The following GJA5 variants were observed in gnomAD, a reference collection of about 807,000 sequenced individuals.
The protein encoded by GJA5 is gap junction protein alpha 5.
GJA5 carries 3 observed loss-of-function variants against 7.9 expected under a neutral mutation model. The ratio of observed to expected loss-of-function variants is 0.38; its 90% CI spans 0.17 to 0.99. The LOEUF (loss-of-function observed/expected upper bound fraction) is 0.99. Among genes scored for constraint, GJA5 ranks in the 50% least tolerant of loss-of-function variants. GJA5 has a pLI of 0.38. For synonymous variants in GJA5, 193 were observed against 181.0 expected, an observed-to-expected ratio of 1.07 and a Z score of -0.53; for missense variants, 390 against 457.9, an observed-to-expected ratio of 0.85 and a Z score of 1.35.
At chr1:147,760,659 G>A (rs896530783), upstream of GJA5, 1 of 152,208 alleles carries the variant, frequency 6.6e-6, no homozygotes, top group Non-Finnish European at 1.5e-5. Context: ...TGAAGGAGGG[G>A]CTGACAGGCA....
At chr1:147,769,797 T>A (rs1218258975) in intron 1 of GJA5, among the ~76,000 whole-genome samples, 1 of 151,798 alleles carries the variant, frequency 6.6e-6, no homozygotes, top group Non-Finnish European at 1.5e-5. Flanking sequence ...ATCAGGGAGG[T>A]GTAGGGCCCA....
intron 1 of GJA5, among the ~76,000 whole-genome samples, chr1:147,767,389 CTT>C (rs869258169): frequency 1.4e-5 from 2 of 143,484 alleles, no homozygotes. Context: ...GGGGACTATT[CTT>C]TTTTTTTTTT....
Position 147,758,915 on chromosome 1 carries a change from T to C in GJA5, c.324A>G (p.Leu108=), listed in dbSNP as rs782013554. ...HTVRMQEKRK[L]REAERAKEVR... ...CCTCTTTGGCCCTCTCGGCCTCCCGTAGCTTGCGCTTCTCCTGCATGCGCA... is the reference window on the plus strand; with the variant it reads ...CCTCTTTGGCCCTCTCGGCCTCCCGCAGCTTGCGCTTCTCCTGCATGCGCA... The change falls in exon 2 of 2, where the codon CTA becomes CTG. Residue 108 remains leucine, a synonymous_variant. Transcript: ENST00000579774. 3.1e-6 allele frequency: 5 copies of C among 1,614,116 alleles called. No individual in the cohort carries two copies. Among genetic ancestry groups the C allele is most frequent in the Middle Eastern group, 1.6e-4 (1 of 6,084 alleles).
At position 147,769,332 on chromosome 1, in the gene GJA5, C is replaced by T. The variant is rs17160627; in HGVS notation, c.-34+3920G>A. On this transcript the variant is annotated intron_variant, in intron 1 of 1. Coordinates refer to the GJA5 transcript ENST00000430508. Reference sequence around the variant, plus strand: ...AACAACAGAAACAGCAATTATTAGGCGGAGGAACTTCCGGTCTCTAAGGAC... The same window carrying T: ...AACAACAGAAACAGCAATTATTAGGTGGAGGAACTTCCGGTCTCTAAGGAC... 4.9e-3 allele frequency among the ~76,000 whole-genome samples: 746 copies of T among 152,276 alleles called. 2 individuals carry two copies. The highest frequency in any genetic ancestry group is 0.017 in the African/African-American group (712 of 41,550).
Position 147,758,456 on chromosome 1 carries a change from G to C in GJA5, c.783C>G (p.Cys261Trp). The stretch of plus-strand genomic sequence containing the variant: ...ACTGATTAAAGTCGGGGGGTGGTGT[G>C]CAGCTCTGGACTATGCCCACAGAGG... ...SGPSVGIVQS[C>W]TPPPDFNQCL... The change falls in exon 2 of 2, where the codon TGC becomes TGG. Residue 261 changes from cysteine to tryptophan, a missense_variant. Cys to Trp is a radical substitution (Grantham distance 215). This residue lies in a region of GJA5 where 354 missense variants were observed against 370.9 expected (regional missense o/e 0.95). Transcript: ENST00000579774. The C allele has an allele frequency of 6.2e-7, 1 of 1,614,192 alleles. No homozygotes were observed.
intron 1 of GJA5, chr1:147,773,199 C>T (rs1404507210): frequency 3.3e-5 from 5 of 152,214 alleles, no homozygotes; most frequent in African/African-American, 1.2e-4. Context: ...CTTCCTCTGG[C>T]TACTTCATAT....
At chr1:147,763,770 C>A (rs1272417215), upstream of GJA5, among the ~76,000 whole-genome samples, 1 of 152,032 alleles carries the variant, frequency 6.6e-6, no homozygotes, top group Non-Finnish European at 1.5e-5. Flanking sequence ...TGGCCAATGA[C>A]CAGAAATAAA....
upstream of GJA5, among the ~76,000 whole-genome samples, chr1:147,765,401 A>G (rs111692684): frequency 8.0e-4 from 122 of 152,328 alleles, 1 homozygote; most frequent in African/African-American, 2.8e-3. Context: ...TGCATGCCAG[A>G]AAGTTTCATT....
At chr1:147,773,171 G>A (rs918052678) in intron 1 of GJA5, 1 of 152,194 alleles carries the variant, frequency 6.6e-6, no homozygotes, top group Non-Finnish European at 1.5e-5. Flanking sequence ...TTTTTATCCA[G>A]CCTAGAATCC....
In GJA5 at chr1:147,758,171, T is replaced by C. The variant is rs886045250; in HGVS notation, c.1068A>G (p.Leu356=). ...KASSKARSDD[L]SV ...CTCCCATAAAGGAGGGTCACACTGA[T>C]AGGTCATCTGACCTTGCCTTGCTGC... Residue 356 remains leucine (L), a synonymous_variant, in exon 2 of 2, where the codon CTA becomes CTG. Coordinates refer to ENST00000579774, the MANE Select transcript of GJA5 (RefSeq NM_181703.4). The C allele has an allele frequency of 4.4e-6, 7 of 1,608,254 alleles. No homozygotes were observed. In the African/African-American group the frequency reaches 6.7e-5, roughly 15 times the overall value.
At chr1:147,771,160 TGA>T (rs1664385637) in intron 1 of GJA5, among the ~76,000 whole-genome samples, 1 of 152,200 alleles carries the variant, frequency 6.6e-6, no homozygotes, top group Admixed American at 6.5e-5. Flanking sequence ...AGCCAGTACC[TGA>T]GAGACCAGGC....
chr1:147,758,970 A>G lies in GJA5; in HGVS notation c.269T>C (p.Leu90Pro). ...GTGCATGGCGTGGCCCATGTACACC[A>G]GAGAGGGCGTGGAGACGAAGATGAT... Reference protein sequence around the residue: ...LQIIFVSTPSLVYMGHAMHTV... With the variant: ...LQIIFVSTPSPVYMGHAMHTV... Residue 90 changes from leucine to proline, a missense_variant, in exon 2 of 2, where the codon CTG (leucine) becomes CCG (proline). Coordinates refer to ENST00000579774, the MANE Select transcript of GJA5 (RefSeq NM_181703.4). 1 of 1,614,194 alleles carries G rather than the reference A, an allele frequency of 6.2e-7. No individual in the cohort carries two copies. The highest frequency in any genetic ancestry group is 8.5e-7 in the Non-Finnish European group (1 of 1,180,028).
At chr1:147,770,746 G>A (rs1455848619) in intron 1 of GJA5, among the ~76,000 whole-genome samples, 3 of 151,938 alleles carry the variant, frequency 2.0e-5, no homozygotes, top group African/African-American at 4.8e-5. Context: ...CTCATTCTGC[G>A]ACCTCCTGAC....
At chr1:147,761,072 C>T (rs1553227354), upstream of GJA5, among the ~76,000 whole-genome samples, 1 of 152,200 alleles carries the variant, frequency 6.6e-6, no homozygotes, top group East Asian at 1.9e-4. Flanking sequence ...TCAGAAATGT[C>T]AACCAGTGCC....
chr1:147,763,208 C>T (rs1355156450), upstream of GJA5, among the ~76,000 whole-genome samples: 3 of 152,238 alleles, frequency 2.0e-5, no homozygotes, highest in South Asian at 2.1e-4. Flanking sequence ...TCATTTAATA[C>T]GTTTATTGAG....
intron 1 of GJA5, among the ~76,000 whole-genome samples, chr1:147,773,031 C>T (rs1210651399): frequency 6.6e-6 from 1 of 152,142 alleles, no homozygotes; most frequent in Non-Finnish European, 1.5e-5. Flanking sequence ...CTTCATCTCC[C>T]TCTAAATCAA....
chr1:147,759,728 C>T (rs1553227182), intron 1 of GJA5, among the ~76,000 whole-genome samples: 5 of 152,192 alleles, frequency 3.3e-5, no homozygotes, highest in African/African-American at 9.7e-5. Context: ...GGGCATTTAC[C>T]TCACTGAGTC....
At position 147,757,820 on chromosome 1, in the gene GJA5, G is replaced by A. The variant is rs889808011; in HGVS notation, c.*342C>T. The A allele has an allele frequency of 5.5e-6, 2 of 363,888 alleles. No individual in the cohort carries two copies. The highest frequency in any genetic ancestry group is 4.1e-5 in the African/African-American group (2 of 48,264). 22.5% of individuals were successfully genotyped at this position (363,888 alleles called of 1,614,324 possible). On this transcript the variant is annotated 3_prime_UTR_variant, in exon 2 of 2. Coordinates refer to ENST00000579774, the MANE Select transcript of GJA5 (RefSeq NM_181703.4). Reference sequence around the variant, plus strand: ...AACGCATTTGGTATGCTGCTGGTATGTAGAGAGAGAGTCATTCTATCCCTC... The same window carrying A: ...AACGCATTTGGTATGCTGCTGGTATATAGAGAGAGAGTCATTCTATCCCTC...
chr1:147,770,985 T>C (rs1553228975), intron 1 of GJA5, among the ~76,000 whole-genome samples: 1 of 151,926 alleles, frequency 6.6e-6, no homozygotes, highest in African/African-American at 2.4e-5. Flanking sequence ...CTTATGGGAG[T>C]TCATTCACAC....
Sources: allele counts gnomAD v4.1 joint callset (sites outside exome capture counted in the v4.1 genomes callset), GRCh38; gene constraint gnomAD v4.1.1; regional missense constraint gnomAD v4.1.1; transcripts MANE v1.5; gene names NCBI Gene and HGNC (gene_info 2026-07-23, HGNC 2026-07-21).